EXOC6B: variants seen among roughly 807,000 people sequenced by gnomAD.
The protein encoded by EXOC6B is SEC15 homolog B.
Under a neutral mutation model 113.5 loss-of-function variants are expected in EXOC6B, and 54 were observed. The ratio of observed to expected loss-of-function variants is 0.48; its 90% CI spans 0.38 to 0.60. The LOEUF is 0.60. Ranked by LOEUF, EXOC6B falls within the 20% of genes least tolerant of loss-of-function variation. The pLI is 0.00. For synonymous variants in EXOC6B, 357 were observed against 339.0 expected, an observed-to-expected ratio of 1.05 and a Z score of -0.58; for missense variants, 797 against 977.5, an observed-to-expected ratio of 0.82 and a Z score of 2.46.
chr2:72,597,096 G>A (rs540970893), intron 6 of EXOC6B, among the ~76,000 whole-genome samples: 1 of 150,066 alleles, frequency 6.7e-6, no homozygotes, highest in East Asian at 2.0e-4. Context: ...TAATGGAAAT[G>A]TTTTAGGAGT....
intron 6 of EXOC6B, among the ~76,000 whole-genome samples, chr2:72,589,016 T>A (rs904120658): frequency 6.6e-6 from 1 of 151,898 alleles, no homozygotes; most frequent in Non-Finnish European, 1.5e-5. Context: ...TTAAAAGAAT[T>A]ACTATGAAGA....
intron 1 of EXOC6B, among the ~76,000 whole-genome samples, chr2:72,809,703 CTAAA>C (rs1226150059): frequency 3.3e-5 from 5 of 151,976 alleles, no homozygotes; most frequent in African/African-American, 1.2e-4. Context: ...CATAGCAATA[CTAAA>C]TGTGTATCAA....
At chr2:72,290,616 A>G (rs1258374786) in intron 20 of EXOC6B, among the ~76,000 whole-genome samples, 1 of 151,986 alleles carries the variant, frequency 6.6e-6, no homozygotes, top group Non-Finnish European at 1.5e-5. Context: ...TCATATTGAG[A>G]CTATTATTTT....
At chr2:72,307,053 A>G (rs915053691) in intron 20 of EXOC6B, among the ~76,000 whole-genome samples, 6 of 152,052 alleles carry the variant, frequency 3.9e-5, no homozygotes, top group African/African-American at 1.2e-4. Flanking sequence ...CCTTCTTCCT[A>G]TCTCTCCTCC....
chr2:72,265,664 T>A (rs1273056344), intron 20 of EXOC6B, among the ~76,000 whole-genome samples: 7 of 151,642 alleles, frequency 4.6e-5, no homozygotes, highest in Non-Finnish European at 1.0e-4. Flanking sequence ...TGTTGGACAT[T>A]TGGGTTGGTT....
chr2:72,548,440 T>G (rs1703026091), intron 8 of EXOC6B, among the ~76,000 whole-genome samples: 1 of 152,136 alleles, frequency 6.6e-6, no homozygotes, highest in South Asian at 2.1e-4. Flanking sequence ...ATTCAAAGAG[T>G]GCCTTGTTAT....
chr2:72,651,074 A>T (rs1285002330), intron 6 of EXOC6B, among the ~76,000 whole-genome samples: 1 of 152,208 alleles, frequency 6.6e-6, no homozygotes, highest in Non-Finnish European at 1.5e-5. Flanking sequence ...AGTCAATAAC[A>T]GCAATAAAGA....
Position 72,741,472 on chromosome 2 carries a change from T to A in EXOC6B, c.114-3A>T. 1 of 1,593,840 alleles carries A rather than the reference T, an allele frequency of 6.3e-7. No homozygotes were observed. Among genetic ancestry groups the A allele is most frequent in the Non-Finnish European group, 8.5e-7 (1 of 1,173,846 alleles). Reference sequence around the variant, plus strand: ...GTTCTTCACCATCATAAACAGACCTTTAAAAAAAAATGGCACGAAGATTAT... The same window carrying A: ...GTTCTTCACCATCATAAACAGACCTATAAAAAAAAATGGCACGAAGATTAT... On this transcript the variant is annotated splice_region_variant and splice_polypyrimidine_tract_variant and intron_variant, in intron 1 of 21. Coordinates refer to ENST00000272427, the MANE Select transcript of EXOC6B (RefSeq NM_015189.3).
intron 20 of EXOC6B, among the ~76,000 whole-genome samples, chr2:72,236,771 C>A (rs1007416260): frequency 7.2e-5 from 11 of 151,910 alleles, no homozygotes; most frequent in African/African-American, 2.7e-4. Flanking sequence ...AATAGTGGGA[C>A]AAGCAAAGAG....
At chr2:72,611,355 CA>C (rs1168624533) in intron 6 of EXOC6B, among the ~76,000 whole-genome samples, 131 of 117,504 alleles carry the variant, frequency 1.1e-3, no homozygotes, top group African/African-American at 3.3e-3. Flanking sequence ...AAGACTGTCT[CA>C]AAAAAAAAAA....
intron 20 of EXOC6B, among the ~76,000 whole-genome samples, chr2:72,237,467 A>C (rs767699640): frequency 9.1e-6 from 1 of 109,374 alleles, no homozygotes; most frequent in Non-Finnish European, 1.6e-5. Context: ...AATATATCTA[A>C]GAAAAAAAAT....
intron 18 of EXOC6B, among the ~76,000 whole-genome samples, chr2:72,407,442 T>G (rs1165167922): frequency 6.6e-6 from 1 of 152,224 alleles, no homozygotes; most frequent in Non-Finnish European, 1.5e-5. Context: ...ATATCCCTGA[T>G]GAACATCGAT....
At chr2:72,247,159 T>C (rs1011253626) in intron 20 of EXOC6B, among the ~76,000 whole-genome samples, 2 of 152,212 alleles carry the variant, frequency 1.3e-5, no homozygotes, top group Non-Finnish European at 1.5e-5. Context: ...GAAAATAATC[T>C]TTCTGATAAA....
At chr2:72,221,983 G>A (rs1680894034) in intron 20 of EXOC6B, among the ~76,000 whole-genome samples, 1 of 152,188 alleles carries the variant, frequency 6.6e-6, no homozygotes, top group Non-Finnish European at 1.5e-5. Context: ...GTGAAACTGG[G>A]TAAGGGCAAG....
intron 6 of EXOC6B, among the ~76,000 whole-genome samples, chr2:72,593,530 A>C (rs1334425467): frequency 3.9e-5 from 6 of 152,160 alleles, no homozygotes; most frequent in Non-Finnish European, 8.8e-5. Flanking sequence ...TTGCTGTCAG[A>C]AGTGTTAGCA....
chr2:72,311,238 T>C (rs1300557124), intron 20 of EXOC6B, among the ~76,000 whole-genome samples: 1 of 152,152 alleles, frequency 6.6e-6, no homozygotes, highest in Non-Finnish European at 1.5e-5. Context: ...AAAATTAAGG[T>C]GTTGGCAAGG....
chr2:72,793,764 G>A (rs1301504544), intron 1 of EXOC6B, among the ~76,000 whole-genome samples: 4 of 152,206 alleles, frequency 2.6e-5, no homozygotes, highest in Non-Finnish European at 5.9e-5. Flanking sequence ...AACTCAACTA[G>A]AAGATGAGCT....
chr2:72,445,073 T>C (rs1407276825), intron 18 of EXOC6B, among the ~76,000 whole-genome samples: 3 of 152,074 alleles, frequency 2.0e-5, no homozygotes, highest in African/African-American at 7.3e-5. Context: ...AGCATCCAAG[T>C]CACTTCTTCA....
In EXOC6B at chr2:72,303,967, G is replaced by A. The variant is rs7573146; in HGVS notation, c.2196+30980C>T. Among the ~76,000 whole-genome samples, 286 of 152,290 alleles carry A rather than the reference G, an allele frequency of 1.9e-3. 2 individuals are homozygous for A. Among genetic ancestry groups the A allele is most frequent in the African/African-American group, 6.8e-3 (284 of 41,562 alleles). ...AAACATTCTGGCCACTCTTCCGTGA[G>A]GTGAGTGTTCTGTGCTAGGGGTTCA... On this transcript the variant is annotated intron_variant, in intron 20 of 21. Transcript: ENST00000272427.
Sources: allele counts gnomAD v4.1 joint callset (sites outside exome capture counted in the v4.1 genomes callset), GRCh38; gene constraint gnomAD v4.1.1; transcripts MANE v1.5; gene names NCBI Gene and HGNC (gene_info 2026-07-23, HGNC 2026-07-21).